The following RALYL variants were observed in gnomAD, a reference collection of about 807,000 sequenced individuals.
The protein encoded by RALYL is RNA-binding Raly-like protein.
RALYL carries 29 observed loss-of-function variants against 35.1 expected under a neutral mutation model. The observed-to-expected ratio is 0.83, with a 90% CI of 0.61 to 1.13. The LOEUF (loss-of-function observed/expected upper bound fraction) is 1.13, where lower values mean the gene tolerates loss of function less well. RALYL is among the 50% of genes most tolerant of loss of function. The pLI, the probability that RALYL is intolerant of heterozygous loss-of-function variation, is 0.00. For synonymous variants in RALYL, 120 were observed against 127.6 expected (o/e 0.94, Z 0.40); for missense variants, 359 against 360.4 (o/e 1.00, Z 0.03).
At chr8:84,267,315 C>T (rs750111817) in intron 1 of RALYL, among the ~76,000 whole-genome samples, 4 of 152,140 alleles carry the variant, frequency 2.6e-5, no homozygotes, top group Non-Finnish European at 4.4e-5. Context: ...ATTGTAAACT[C>T]CAGAAGCCTC....
At chr8:84,374,701 C>A (rs1856575442) in intron 1 of RALYL, among the ~76,000 whole-genome samples, 1 of 151,740 alleles carries the variant, frequency 6.6e-6, no homozygotes, top group African/African-American at 2.4e-5. Flanking sequence ...CCACTATGGC[C>A]TACTTGAGGG....
chr8:84,521,175 T>A (rs2058430319), intron 1 of RALYL, among the ~76,000 whole-genome samples: 1 of 152,186 alleles, frequency 6.6e-6, no homozygotes, highest in African/African-American at 2.4e-5. Context: ...ATAGGAATTG[T>A]GCCCTTATAA....
intron 1 of RALYL, among the ~76,000 whole-genome samples, chr8:84,211,549 T>C (rs552642972): frequency 1.3e-4 from 20 of 152,270 alleles, no homozygotes; most frequent in African/African-American, 4.3e-4. Context: ...ATGTCAATGA[T>C]TAGCATGTAG....
At chr8:84,306,921 G>T (rs114869792) in intron 1 of RALYL, among the ~76,000 whole-genome samples, 1 of 152,140 alleles carries the variant, frequency 6.6e-6, no homozygotes, top group Non-Finnish European at 1.5e-5. Context: ...CCCAGTCTTA[G>T]CATGTGCATT....
intron 1 of RALYL, among the ~76,000 whole-genome samples, chr8:84,412,006 A>G: frequency 6.6e-6 from 1 of 151,918 alleles, no homozygotes; most frequent in East Asian, 1.9e-4. Context: ...ATATACACAA[A>G]ATGCGTAGAA....
At chr8:84,424,902 C>A (rs1477572436) in intron 1 of RALYL, among the ~76,000 whole-genome samples, 1 of 151,686 alleles carries the variant, frequency 6.6e-6, no homozygotes, top group South Asian at 2.1e-4. Context: ...AGGCAGTCTG[C>A]AGGTTCTCAG....
intron 2 of RALYL, among the ~76,000 whole-genome samples, chr8:84,596,022 G>A (rs1011080402): frequency 6.6e-6 from 1 of 152,044 alleles, no homozygotes; most frequent in Non-Finnish European, 1.5e-5. Flanking sequence ...GGCATGATAT[G>A]AGATTTGCTC....
chr8:84,605,408 G>A (rs368761020), intron 2 of RALYL, among the ~76,000 whole-genome samples: 2 of 152,030 alleles, frequency 1.3e-5, no homozygotes, highest in African/African-American at 4.8e-5. Context: ...TTTGTGGTAG[G>A]TACTGTCATC....
At chr8:84,735,633 A>T (rs1037445757) in intron 2 of RALYL, among the ~76,000 whole-genome samples, 2 of 152,014 alleles carry the variant, frequency 1.3e-5, no homozygotes, top group African/African-American at 4.8e-5. Context: ...AACTCAGCCC[A>T]CTTAACTGGA....
intron 1 of RALYL, among the ~76,000 whole-genome samples, chr8:84,337,265 G>A (rs181304282): frequency 4.3e-4 from 65 of 150,986 alleles, no homozygotes; most frequent in African/African-American, 1.4e-3. Context: ...TCACATTGTC[G>A]TCACTATAGA....
intron 1 of RALYL, among the ~76,000 whole-genome samples, chr8:84,282,569 G>T (rs1836778254): frequency 6.6e-6 from 1 of 151,946 alleles, no homozygotes; most frequent in African/African-American, 2.4e-5. Flanking sequence ...GCTGCACAAA[G>T]ACCCAGCCAA....
intron 1 of RALYL, among the ~76,000 whole-genome samples, chr8:84,442,227 G>T (rs2048398391): frequency 6.6e-6 from 1 of 151,976 alleles, no homozygotes; most frequent in African/African-American, 2.4e-5. Flanking sequence ...TATGAAAAAA[G>T]ATTATAAATA....
At chr8:84,258,769 C>A (rs1159983840) in intron 1 of RALYL, among the ~76,000 whole-genome samples, 1 of 152,084 alleles carries the variant, frequency 6.6e-6, no homozygotes, top group African/African-American at 2.4e-5. Context: ...ACTGTATTGC[C>A]TTTCCCCACA....
chr8:84,496,559 A>G (rs1409610416), intron 1 of RALYL, among the ~76,000 whole-genome samples: 2 of 152,166 alleles, frequency 1.3e-5, no homozygotes, highest in Non-Finnish European at 2.9e-5. Flanking sequence ...ATACACTTAA[A>G]TCATTTGGAA....
chr8:84,477,744 T>G (rs1312167141), intron 1 of RALYL, among the ~76,000 whole-genome samples: 1 of 151,610 alleles, frequency 6.6e-6, no homozygotes, highest in Non-Finnish European at 1.5e-5. Context: ...TTTTTACCAT[T>G]TTATCCTGAT....
chr8:84,464,891 G>C (rs1488394506), intron 1 of RALYL, among the ~76,000 whole-genome samples: 3 of 140,310 alleles, frequency 2.1e-5, no homozygotes, highest in Admixed American at 7.2e-5. Flanking sequence ...CTGATGGCCA[G>C]TGATGATGAG....
chr8:84,597,557 A>G (rs1464105465), intron 2 of RALYL, among the ~76,000 whole-genome samples: 1 of 152,044 alleles, frequency 6.6e-6, no homozygotes, highest in East Asian at 1.9e-4. Context: ...TGCTCCATGG[A>G]TTTCACCCTA....
chr8:84,213,491 A>G (rs1820032618), intron 1 of RALYL, among the ~76,000 whole-genome samples: 1 of 152,248 alleles, frequency 6.6e-6, no homozygotes, highest in South Asian at 2.1e-4. Flanking sequence ...TTTATGTTTA[A>G]TTATTTTGAA....
intron 1 of RALYL, among the ~76,000 whole-genome samples, chr8:84,309,885 C>T (rs976237776): frequency 9.2e-5 from 14 of 151,914 alleles, no homozygotes; most frequent in Admixed American, 5.2e-4. Context: ...CCACCACGAC[C>T]GGCTAATTTC....
Sources: allele counts gnomAD v4.1 joint callset (sites outside exome capture counted in the v4.1 genomes callset), GRCh38; gene constraint gnomAD v4.1.1; transcripts MANE v1.5; gene names NCBI Gene and HGNC (gene_info 2026-07-23, HGNC 2026-07-21).